The following YTHDF2 variants were observed in gnomAD, a reference collection of about 807,000 sequenced individuals.
YTHDF2 encodes YTH N6-methyladenosine RNA binding protein F2.
YTHDF2 carries 2 observed loss-of-function variants against 50.4 expected under a neutral mutation model. The ratio of observed to expected loss-of-function variants is 0.04; its 90% confidence interval spans 0.02 to 0.12. The LOEUF (loss-of-function observed/expected upper bound fraction) is 0.12, where lower values mean the gene tolerates loss of function less well. Among genes scored for constraint, YTHDF2 ranks in the 10% least tolerant of loss-of-function variants. The pLI is 1.00. For missense variants in YTHDF2, 483 were observed against 722.6 expected, an observed-to-expected ratio of 0.67 and a Z score of 3.80; for synonymous variants, 217 against 255.6, an observed-to-expected ratio of 0.85 and a Z score of 1.44.
chr1:28,755,366 T>C (rs953126908), intron 4 of YTHDF2, among the ~76,000 whole-genome samples: 1 of 152,226 alleles, frequency 6.6e-6, no homozygotes, highest in Admixed American at 6.5e-5. Context: ...CTAACAGTTA[T>C]TGAATGCTCT....
At position 28,740,326 on chromosome 1, in the gene YTHDF2, G is replaced by C. The variant is rs372589477; in HGVS notation, c.132+1988G>C. On this transcript the variant is annotated intron_variant, in intron 3 of 4. Coordinates refer to ENST00000373812, the MANE Select transcript of YTHDF2 (RefSeq NM_016258.3). The stretch of plus-strand genomic sequence containing the variant: ...AGCTTGAGCATGTGGGAGCCTGCCA[G>C]TTCAGGTACAGACATTCAACTGTGT... The C allele has an allele frequency of 5.9e-5, 9 of 152,330 alleles. No homozygotes were observed. The East Asian group carries it at 9.6e-4, about 16-fold the overall frequency. The allele number at this position is 152,330 out of a possible 1,614,324, so 9.4% of individuals were successfully genotyped here.
intron 3 of YTHDF2, among the ~76,000 whole-genome samples, chr1:28,740,991 A>C (rs1445249270): frequency 6.7e-6 from 1 of 149,628 alleles, no homozygotes; most frequent in Non-Finnish European, 1.5e-5. Flanking sequence ...GGTGTGAGCC[A>C]CCGCGCCCGG....
intron 4 of YTHDF2, among the ~76,000 whole-genome samples, chr1:28,764,025 C>T (rs1016836187): frequency 2.7e-5 from 4 of 150,648 alleles, no homozygotes; most frequent in Admixed American, 6.6e-5. Context: ...TCTCGGCTCA[C>T]TGCAACCTCC....
In YTHDF2 at chr1:28,769,324, C is replaced by T. The variant is rs2088269853; in HGVS notation, c.*372C>T. 6.3e-6 allele frequency: 1 copy of T among 158,012 alleles called. No individual in the cohort carries two copies. The highest frequency in any genetic ancestry group is 1.4e-5 in the Non-Finnish European group (1 of 71,794). 9.8% of individuals were successfully genotyped at this position (158,012 alleles called of 1,614,324 possible). On this transcript the variant is annotated 3_prime_UTR_variant, in exon 5 of 5. Coordinates refer to ENST00000373812, the MANE Select transcript of YTHDF2 (RefSeq NM_016258.3). ...CTAATTTTTAAACCCTTTCCTCCTC[C>T]CATTTTGACATTTGCACTTGGAGAA... is the stretch of plus-strand genomic sequence containing the variant.
At chr1:28,748,127 CAA>C (rs1333197193) in intron 4 of YTHDF2, among the ~76,000 whole-genome samples, 1 of 127,022 alleles carries the variant, frequency 7.9e-6, no homozygotes, top group Non-Finnish European at 1.7e-5. Flanking sequence ...GACTCCATCT[CAA>C]AAAAAAAAAA....
Position 28,749,777 on chromosome 1 carries a change from G to A in YTHDF2, c.1716+5791G>A, listed in dbSNP as rs115671152. Among the ~76,000 whole-genome samples, 331 of 152,088 alleles carry A rather than the reference G, an allele frequency of 2.2e-3. 1 individual carries two copies. The highest frequency in any genetic ancestry group is 7.5e-3 in the African/African-American group (312 of 41,470). ...ATAGAAAAAAAAGGTAGACTTAATT[G>A]GGTACTTGGGTAAATGATTTTTCTG... On this transcript the variant is annotated intron_variant, in intron 4 of 4. Transcript: ENST00000373812.
chr1:28,743,942 T>C lies in YTHDF2; in HGVS notation c.1672T>C (p.Ser558Pro), dbSNP rs749402556. 2 of 1,574,780 alleles carry C rather than the reference T, an allele frequency of 1.3e-6. No individual in the cohort carries two copies. Among genetic ancestry groups the C allele is most frequent in the African/African-American group, 1.4e-5 (1 of 73,204 alleles). Residue 558 changes from serine to proline, a missense_variant, in exon 4 of 5, where the codon TCA (serine) becomes CCA (proline). Physicochemically the swap from Ser to Pro is moderately conservative, Grantham distance 74. Around this residue, in one of 4 missense-constraint regions of YTHDF2, gnomAD observed 38 missense variants for 60.1 expected, o/e 0.63. Transcript: ENST00000373812. This position sits in a 1 kb window ranked among gnomAD's most constrained non-coding sequence, Gnocchi z 6.9. ...KHTTSIFDDFSHYEKRQEEEE... is the reference protein window; with the variant it reads ...KHTTSIFDDFPHYEKRQEEEE... Reference sequence around the variant, plus strand: ...CACCACTTCCATTTTTGATGACTTCTCACACTATGAGAAACGCCAAGAGGA... The same window carrying C: ...CACCACTTCCATTTTTGATGACTTCCCACACTATGAGAAACGCCAAGAGGA...
At chr1:28,746,262 T>G (rs1570466311) in intron 4 of YTHDF2, among the ~76,000 whole-genome samples, 1 of 152,172 alleles carries the variant, frequency 6.6e-6, no homozygotes, top group East Asian at 1.9e-4. Context: ...ACTATCTTAT[T>G]AATCTTTATA....
chr1:28,744,909 T>A (rs141590764), intron 4 of YTHDF2, among the ~76,000 whole-genome samples: 356 of 152,246 alleles, frequency 2.3e-3, no homozygotes, highest in African/African-American at 8.4e-3. Context: ...GCTCAAGTGA[T>A]CTGCCCCTGC....
intron 4 of YTHDF2, among the ~76,000 whole-genome samples, chr1:28,762,439 A>G (rs187607469): frequency 8.1e-4 from 123 of 152,318 alleles, no homozygotes; most frequent in Non-Finnish European, 1.5e-3. Flanking sequence ...CTCCCGTCTA[A>G]GCATTTTATA....
At chr1:28,754,375 A>G (rs1557546859) in intron 4 of YTHDF2, among the ~76,000 whole-genome samples, 1 of 152,058 alleles carries the variant, frequency 6.6e-6, no homozygotes, top group Non-Finnish European at 1.5e-5. Context: ...TAAAAATACA[A>G]AAAAATTAGC....
rs531349638 is a variant in YTHDF2 at position 28,756,144 on chromosome 1, C to G, written c.1716+12158C>G. ...GGTATCTTTCAACCTCTGTTCCAAG[C>G]CTTAAAGAGCTATTATAAAGCTCTT... is the stretch of plus-strand genomic sequence containing the variant. On this transcript the variant is annotated intron_variant, in intron 4 of 4. Transcript: ENST00000373812. Among the ~76,000 whole-genome samples, 10 of 152,260 alleles carry G rather than the reference C, an allele frequency of 6.6e-5. No homozygotes were observed. In the East Asian group the frequency reaches 1.7e-3, roughly 26 times the overall value.
intron 3 of YTHDF2, among the ~76,000 whole-genome samples, chr1:28,740,784 A>G (rs754940142): frequency 6.6e-6 from 1 of 150,416 alleles, no homozygotes; most frequent in Non-Finnish European, 1.5e-5. Flanking sequence ...GCTCACTGCA[A>G]CCTTCACCTC....
In YTHDF2 at chr1:28,769,107, A is replaced by G. The variant is rs1343117194; in HGVS notation, c.*155A>G. 2.0e-6 allele frequency: 1 copy of G among 506,978 alleles called. No homozygotes were observed. The highest frequency in any genetic ancestry group is 2.0e-5 in the African/African-American group (1 of 50,068). 31.4% of individuals were successfully genotyped at this position (506,978 alleles called of 1,614,324 possible). ...TAAGTATTGGAATTTCACAAAAGAC[A>G]TAGGACTTAACTGGAAAATGAAAAA... is the stretch of plus-strand genomic sequence containing the variant. On this transcript the variant is annotated 3_prime_UTR_variant, in exon 5 of 5. Transcript: ENST00000373812.
upstream of YTHDF2, chr1:28,736,878 T>G: frequency 2.8e-5 from 13 of 465,836 alleles, no homozygotes; most frequent in Non-Finnish European, 3.4e-5. Context: ...GCGCTCTGCT[T>G]TAGGCGGTGG....
chr1:28,760,803 C>T (rs1220304807), intron 4 of YTHDF2, among the ~76,000 whole-genome samples: 1 of 152,116 alleles, frequency 6.6e-6, no homozygotes, highest in Non-Finnish European at 1.5e-5. Flanking sequence ...TGGTCTCAAA[C>T]TCCTGATCTC....
intron 4 of YTHDF2, among the ~76,000 whole-genome samples, chr1:28,756,544 A>G (rs2088038334): frequency 1.3e-5 from 2 of 152,144 alleles, no homozygotes; most frequent in Admixed American, 6.6e-5. Context: ...CCCAGAAGAT[A>G]CCTGAAGCAT....
chr1:28,756,065 C>T (rs545549036), intron 4 of YTHDF2, among the ~76,000 whole-genome samples: 14 of 152,218 alleles, frequency 9.2e-5, no homozygotes, highest in African/African-American at 2.9e-4. Flanking sequence ...TTTTGATCTC[C>T]GTACTTCATT....
At chr1:28,740,668 A>G (rs972664228) in intron 3 of YTHDF2, among the ~76,000 whole-genome samples, 2 of 152,144 alleles carry the variant, frequency 1.3e-5, no homozygotes, top group African/African-American at 4.8e-5. Context: ...TGAAAAGGGT[A>G]TGTGTGAAAA....
Sources: gnomAD v4.1 joint callset for allele counts (sites outside exome capture counted in the v4.1 genomes callset) on GRCh38, gnomAD v4.1.1 for gene constraint, gnomAD v4.1.1 regional missense constraint, Gnocchi (gnomAD v3.1) non-coding constraint, MANE v1.5 for transcripts, NCBI Gene and HGNC (gene_info 2026-07-23, HGNC 2026-07-21) for gene names.